The following OSBPL9 variants were observed in gnomAD, a reference collection of about 807,000 sequenced individuals.
OSBPL9 encodes the protein oxysterol binding protein like 9.
A neutral mutation model predicts 106.6 loss-of-function variants in OSBPL9; 40 were observed. The ratio of observed to expected loss-of-function variants is 0.38; its 90% CI spans 0.29 to 0.49. The LOEUF (loss-of-function observed/expected upper bound fraction) is 0.49. Ranked by LOEUF, OSBPL9 falls within the 20% of genes least tolerant of loss-of-function variation. The pLI is 0.97. For synonymous variants in OSBPL9, 269 were observed against 295.4 expected (o/e 0.91, Z 0.92); for missense variants, 609 against 887.2 (o/e 0.69, Z 3.98).
chr1:51,586,752 C>T (rs1266488367), intron 1 of OSBPL9, among the ~76,000 whole-genome samples: 1 of 152,132 alleles, frequency 6.6e-6, no homozygotes, highest in Non-Finnish European at 1.5e-5. Context: ...AGGCTGAGGC[C>T]CCTTGGGGTG....
At chr1:51,723,936 T>G (rs948687812) in intron 4 of OSBPL9, among the ~76,000 whole-genome samples, 2 of 152,104 alleles carry the variant, frequency 1.3e-5, no homozygotes, top group Non-Finnish European at 2.9e-5. Flanking sequence ...AGGTTGGTAT[T>G]TTTTTCTCTC....
chr1:51,559,922 A>T, the OSBPL9 span, among the ~76,000 whole-genome samples: 1 of 152,218 alleles, frequency 6.6e-6, no homozygotes, highest in Admixed American at 6.5e-5. Flanking sequence ...GAAGAAAAGA[A>T]AAGAAAGATA....
intron 3 of OSBPL9, among the ~76,000 whole-genome samples, chr1:51,701,519 G>C (rs576703008): frequency 6.6e-6 from 1 of 151,776 alleles, no homozygotes; most frequent in Non-Finnish European, 1.5e-5. Flanking sequence ...ATACTCACTT[G>C]TCTGTAGTTA....
intron 20 of OSBPL9, 59 bp downstream of exon 20, chr1:51,784,641 T>C (rs1677178757): frequency 6.5e-7 from 1 of 1,548,458 alleles, no homozygotes; most frequent in Non-Finnish European, 8.9e-7. Context: ...GCCTTTTGTC[T>C]TGAACTACAG....
At chr1:51,668,582 A>G (rs1649087928) in intron 2 of OSBPL9, among the ~76,000 whole-genome samples, 1 of 152,170 alleles carries the variant, frequency 6.6e-6, no homozygotes, top group Admixed American at 6.5e-5. Flanking sequence ...AGATCGTGCC[A>G]CTGCACTCCA....
At chr1:51,668,004 G>T (rs1369781612) in intron 2 of OSBPL9, among the ~76,000 whole-genome samples, 3 of 152,192 alleles carry the variant, frequency 2.0e-5, no homozygotes, top group Admixed American at 6.5e-5. Context: ...CTCTGGGGAA[G>T]AAATGAATAA....
chr1:51,602,602 T>A (rs906715455), intron 2 of OSBPL9, among the ~76,000 whole-genome samples: 1 of 141,450 alleles, frequency 7.1e-6, no homozygotes, highest in African/African-American at 2.5e-5. Flanking sequence ...AAAAAAAAAT[T>A]TTTTTTTGTA....
intron 6 of OSBPL9, 114 bp from the exon 7 acceptor site, chr1:51,748,255 C>T (rs971527408): frequency 2.0e-5 from 25 of 1,269,152 alleles, no homozygotes; most frequent in Non-Finnish European, 2.6e-5. Context: ...CTTGCTTGTA[C>T]TCACTTAGAA....
At chr1:51,564,672 T>A in the OSBPL9 span, among the ~76,000 whole-genome samples, 1 of 152,234 alleles carries the variant, frequency 6.6e-6, no homozygotes, top group East Asian at 1.9e-4. Flanking sequence ...CAATTGTGAT[T>A]GGGAAAGTTC....
At chr1:51,683,741 C>T (rs1653121718) in intron 3 of OSBPL9, among the ~76,000 whole-genome samples, 1 of 151,682 alleles carries the variant, frequency 6.6e-6, no homozygotes, top group Non-Finnish European at 1.5e-5. Flanking sequence ...TGCAGTGAGC[C>T]AAGATCGCGC....
chr1:51,523,366 C>T, the OSBPL9 span, among the ~76,000 whole-genome samples: 8 of 151,930 alleles, frequency 5.3e-5, no homozygotes, highest in Non-Finnish European at 1.2e-4. Flanking sequence ...CTCAGCCTCC[C>T]AAAGTGCTGG....
chr1:51,582,236 A>G (rs1645224612), intron 1 of OSBPL9, among the ~76,000 whole-genome samples: 1 of 152,240 alleles, frequency 6.6e-6, no homozygotes, highest in Non-Finnish European at 1.5e-5. Context: ...GTCTCACTGC[A>G]TCCAACTCAT....
At chr1:51,784,940 A>G (rs1677249142) in intron 20 of OSBPL9, 2 of 246,390 alleles carry the variant, frequency 8.1e-6, no homozygotes, top group Non-Finnish European at 1.6e-5. Context: ...CCCCTGCAGC[A>G]CTGCCTCCTG....
intron 22 of OSBPL9, among the ~76,000 whole-genome samples, chr1:51,787,045 CAG>C (rs531024851): frequency 1.9e-3 from 286 of 152,294 alleles, no homozygotes; most frequent in Middle Eastern, 0.014. Context: ...CTGATTGACC[CAG>C]AGTTGCACAG....
chr1:51,612,670 T>G (rs760108392), upstream of OSBPL9, among the ~76,000 whole-genome samples: 5 of 152,228 alleles, frequency 3.3e-5, no homozygotes, highest in Non-Finnish European at 7.3e-5. Context: ...TGTTTTGACA[T>G]TTGAAGCTAA....
Position 51,728,522 on chromosome 1 carries a change from T to C in OSBPL9, c.318+14443T>C, listed in dbSNP as rs188421901. ...ATGGTTTGCGTATTAGGGTGGATGA[T>C]AGCAGTTTCATTTACTGAGACAGGG... is the stretch of plus-strand genomic sequence containing the variant. On this transcript the variant is annotated intron_variant, in intron 4 of 23. Coordinates refer to ENST00000428468, the MANE Select transcript of OSBPL9 (RefSeq NM_024586.6). 3.0e-4 allele frequency among the ~76,000 whole-genome samples: 45 copies of C among 152,256 alleles called. No individual in the cohort carries two copies. In the East Asian group the frequency reaches 8.1e-3, roughly 27 times the overall value.
At chr1:51,589,313 T>G (rs1221141492) in intron 1 of OSBPL9, among the ~76,000 whole-genome samples, 4 of 152,146 alleles carry the variant, frequency 2.6e-5, no homozygotes, top group African/African-American at 7.2e-5. Context: ...GATCTTGAAC[T>G]GCTGAGATCA....
the OSBPL9 span, among the ~76,000 whole-genome samples, chr1:51,523,099 T>A: frequency 2.0e-5 from 3 of 151,922 alleles, no homozygotes; most frequent in Non-Finnish European, 4.4e-5. Flanking sequence ...TCTATTTTTT[T>A]AAAATCAATC....
At chr1:51,600,676 T>G (rs779551491) in intron 2 of OSBPL9, among the ~76,000 whole-genome samples, 7 of 152,186 alleles carry the variant, frequency 4.6e-5, no homozygotes, top group Non-Finnish European at 1.0e-4. Context: ...AGTTCTCATT[T>G]CCCTCTTTGT....
Sources: gnomAD v4.1 joint callset for allele counts (sites outside exome capture counted in the v4.1 genomes callset) on GRCh38, gnomAD v4.1.1 for gene constraint, MANE v1.5 for transcripts, NCBI Gene and HGNC (gene_info 2026-07-23, HGNC 2026-07-21) for gene names.